The following PTPN21 variants were observed in gnomAD, a reference collection of about 807,000 sequenced individuals.
PTPN21 encodes the protein protein tyrosine phosphatase non-receptor type 21.
In PTPN21, 77 loss-of-function variants were observed where a neutral mutation model predicts 131.8. That is an observed-to-expected ratio of 0.58 (90% CI 0.49 to 0.71). The LOEUF (loss-of-function observed/expected upper bound fraction) is 0.71, where lower values mean the gene tolerates loss of function less well. Among genes scored for constraint, PTPN21 ranks in the 30% least tolerant of loss-of-function variants. The pLI, the probability that PTPN21 is intolerant of heterozygous loss-of-function variation, is 0.00. For synonymous variants in PTPN21, 715 were observed against 621.3 expected (o/e 1.15, Z -2.24); for missense variants, 1,552 against 1,527.1 (o/e 1.02, Z -0.27).
intron 13 of PTPN21, among the ~76,000 whole-genome samples, chr14:88,477,825 G>T (rs1184429266): frequency 6.6e-6 from 1 of 152,162 alleles, no homozygotes. Context: ...AATCACTTCG[G>T]TGGACACACT....
rs1376560764 is a variant in PTPN21 at position 88,466,216 on chromosome 14, T to C, written c.*1921A>G. ...TTTAAACAGGACTTTAAAAAGAATT[T>C]TGTATTTACAAAATTTACATTTTGT... On this transcript the variant is annotated 3_prime_UTR_variant, in exon 19 of 19. Coordinates refer to ENST00000556564, the MANE Select transcript of PTPN21 (RefSeq NM_007039.4). 1 of 152,210 alleles carries C rather than the reference T, an allele frequency of 6.6e-6. No individual in the cohort carries two copies. The highest frequency in any genetic ancestry group is 1.5e-5 in the Non-Finnish European group (1 of 68,040). 9.4% of individuals were successfully genotyped at this position (152,210 alleles called of 1,614,324 possible).
chr14:88,550,118 T>G, intron 2 of PTPN21, 120 bp downstream of exon 2: 1 of 1,020,048 alleles, frequency 9.8e-7, no homozygotes, highest in Admixed American at 2.4e-5. Context: ...TTCACCATGT[T>G]GGCCAGGCTA....
chr14:88,471,555 T>A (rs968220556), intron 15 of PTPN21, among the ~76,000 whole-genome samples: 8 of 151,314 alleles, frequency 5.3e-5, no homozygotes, highest in Admixed American at 1.3e-4. Flanking sequence ...TTACCCCAGT[T>A]TAATGGCATT....
At chr14:88,517,544 G>T (rs1029261897) in intron 2 of PTPN21, among the ~76,000 whole-genome samples, 1 of 151,856 alleles carries the variant, frequency 6.6e-6, no homozygotes, top group East Asian at 1.9e-4. Flanking sequence ...ACACTGGAAT[G>T]TAGTGGCGGC....
rs995956154 is a variant in PTPN21 at position 88,505,360 on chromosome 14, C to T, written c.460G>A (p.Asp154Asn). 2 of 1,604,964 alleles carry T rather than the reference C, an allele frequency of 1.2e-6. No individual in the cohort carries two copies. Among genetic ancestry groups the T allele is most frequent in the South Asian group, 2.2e-5 (2 of 89,526 alleles). ...TCCTGGGATTCATACTGATCAAAGT[C>T]ACCAAAATCCGCTATATAGAATGAC... is the stretch of plus-strand genomic sequence containing the variant. The part of the protein sequence containing the change: ...AGLAVQADFG[D>N]FDQYESQDFL... The change falls in exon 5 of 19, where the codon GAC becomes AAC. Residue 154 changes from aspartate (D) to asparagine (N), a missense_variant. Asp to Asn is a conservative substitution (Grantham distance 23, BLOSUM62 1). Around this residue, in one of 4 missense-constraint regions of PTPN21, gnomAD observed 206 missense variants for 221.6 expected, o/e 0.93. Coordinates refer to ENST00000556564, the MANE Select transcript of PTPN21 (RefSeq NM_007039.4).
chr14:88,498,136 C>A (rs896111139), intron 8 of PTPN21, among the ~76,000 whole-genome samples: 1 of 151,322 alleles, frequency 6.6e-6, no homozygotes, highest in Non-Finnish European at 1.5e-5. Context: ...CTAGGCCAGG[C>A]GAGGTGGCAG....
chr14:88,467,294 C>G lies in PTPN21; in HGVS notation c.*843G>C, dbSNP rs1189867074. On this transcript the variant is annotated 3_prime_UTR_variant, in exon 19 of 19. Coordinates refer to ENST00000556564, the MANE Select transcript of PTPN21 (RefSeq NM_007039.4). ...GTTTTTAACAAAAAAGTGCTTAAAA[C>G]CACCCTAGGCAATTGTTTTTCACTT... 1 of 152,156 alleles carries G rather than the reference C, an allele frequency of 6.6e-6. No individual in the cohort carries two copies. The highest frequency in any genetic ancestry group is 6.5e-5 in the Admixed American group (1 of 15,282). 9.4% of individuals were successfully genotyped at this position (152,156 alleles called of 1,614,324 possible). A position where few individuals can be genotyped will look rare whatever the true frequency, so the allele number is the denominator to read the frequency against.
Position 88,480,037 on chromosome 14 carries a change from G to A in PTPN21, c.1394C>T (p.Ala465Val), listed in dbSNP as rs1159299301. 2.0e-5 allele frequency: 32 copies of A among 1,613,796 alleles called. No homozygotes were observed. The highest frequency in any genetic ancestry group is 2.5e-5 in the Non-Finnish European group (30 of 1,180,048). The stretch of plus-strand genomic sequence containing the variant: ...TCGCAGCGAGTGGCTCTGCCGTTCC[G>A]CATGCACCAGGCCCCTGTTGAGCTG... ...MKQLNRGLVHAERQSHSLRNL... is the reference protein window; with the variant it reads ...MKQLNRGLVHVERQSHSLRNL... The change falls in exon 13 of 19, where the codon GCG becomes GTG. Residue 465 changes from alanine (A) to valine (V), a missense_variant. Physicochemically the swap from Ala to Val is moderately conservative, Grantham distance 64. Transcript: ENST00000556564.
intron 1 of PTPN21, among the ~76,000 whole-genome samples, chr14:88,553,957 T>C (rs1425151159): frequency 6.6e-6 from 1 of 152,184 alleles, no homozygotes; most frequent in Non-Finnish European, 1.5e-5. Context: ...TGTGCGTAGA[T>C]GCTCCAGAAT....
intron 2 of PTPN21, among the ~76,000 whole-genome samples, chr14:88,542,004 C>T (rs557693317): frequency 6.6e-6 from 1 of 152,226 alleles, no homozygotes; most frequent in East Asian, 1.9e-4. Context: ...AAATTGTATA[C>T]AAAATTCTGT....
At chr14:88,495,070 G>C in intron 10 of PTPN21, among the ~76,000 whole-genome samples, 1 of 141,712 alleles carries the variant, frequency 7.1e-6, no homozygotes, top group African/African-American at 2.6e-5. Flanking sequence ...TCTGATTCAG[G>C]TTAAACTAAG....
intron 9 of PTPN21, 57 bp downstream of exon 9, chr14:88,497,140 CAGAAGT>C: frequency 1.6e-6 from 2 of 1,285,742 alleles, no homozygotes; most frequent in Non-Finnish European, 2.3e-6. Flanking sequence ...TACAGGCACG[CAGAAGT>C]AGAACTTGTT....
chr14:88,532,393 T>C (rs984517830), intron 2 of PTPN21, among the ~76,000 whole-genome samples: 2 of 152,174 alleles, frequency 1.3e-5, no homozygotes, highest in African/African-American at 4.8e-5. Context: ...GAGCCAGAAA[T>C]AGACGAGCCT....
chr14:88,547,301 A>C (rs1463119721), intron 2 of PTPN21, among the ~76,000 whole-genome samples: 3 of 141,396 alleles, frequency 2.1e-5, no homozygotes, highest in Non-Finnish European at 4.6e-5. Context: ...TAATAGGAAA[A>C]AAAAAAAAAA....
intron 13 of PTPN21, among the ~76,000 whole-genome samples, chr14:88,476,675 G>A (rs1327909675): frequency 6.6e-6 from 1 of 152,140 alleles, no homozygotes; most frequent in East Asian, 1.9e-4. Flanking sequence ...GGTCCTGACC[G>A]TGGTCACAGA....
chr14:88,508,117 G>T, intron 3 of PTPN21, 97 bp from the exon 4 acceptor site: 5 of 573,460 alleles, frequency 8.7e-6, no homozygotes, highest in African/African-American at 1.9e-5. Context: ...ATAAACCAGT[G>T]AAATAAAACC....
At position 88,479,589 on chromosome 14, in the gene PTPN21, C is replaced by A. The variant is rs763825175; in HGVS notation, c.1842G>T (p.Ala614=). ...GCTCGCTGACCTCCTGCAGCGAGTG[C>A]GCCACGGGCAGGCTGTCCTCCTGGA... ...QTFQEDSLPV[A]HSLQEVSEPL... The change falls in exon 13 of 19, where the codon GCG becomes GCT. Residue 614 remains alanine, a synonymous_variant. Coordinates refer to ENST00000556564, the MANE Select transcript of PTPN21 (RefSeq NM_007039.4). 1.3e-6 allele frequency: 2 copies of A among 1,590,028 alleles called. No homozygotes were observed. Among genetic ancestry groups the A allele is most frequent in the South Asian group, 1.1e-5 (1 of 90,062 alleles).
Position 88,468,903 on chromosome 14 carries a change from T to A in PTPN21, c.3396+13A>T. On this transcript the variant is annotated intron_variant, in intron 18 of 18. Transcript: ENST00000556564. ...TCCACCCAAAAAGGCCAGGTGATCA[T>A]AAGCGCCATCACCTCATTGTGTTCC... The A allele has an allele frequency of 1.2e-6, 2 of 1,613,950 alleles. No homozygotes were observed. Among genetic ancestry groups the A allele is most frequent in the Non-Finnish European group, 1.7e-6 (2 of 1,179,918 alleles).
At position 88,505,417 on chromosome 14, in the gene PTPN21, T is replaced by C. The variant is rs370129481; in HGVS notation, c.449-46A>G. The C allele has an allele frequency of 2.3e-5, 31 of 1,340,664 alleles. No homozygotes were observed. The African/African-American group carries it at 3.1e-4, about 13-fold the overall frequency. The allele number at this position is 1,340,664 out of a possible 1,614,324, so 83.0% of individuals were successfully genotyped here. On this transcript the variant is annotated intron_variant, in intron 4 of 18. Coordinates refer to ENST00000556564, the MANE Select transcript of PTPN21 (RefSeq NM_007039.4). The stretch of plus-strand genomic sequence containing the variant: ...TCACGTTAATTATATTTAAATTTCA[T>C]TGCAAAATATGCACAACAAAATTCA...
Sources: gnomAD v4.1 joint callset for allele counts (sites outside exome capture counted in the v4.1 genomes callset) on GRCh38, gnomAD v4.1.1 for gene constraint, gnomAD v4.1.1 regional missense constraint, MANE v1.5 for transcripts, NCBI Gene and HGNC (gene_info 2026-07-23, HGNC 2026-07-21) for gene names.